Variants in DOCK10 observed in about 807,000 individuals in gnomAD.
DOCK10 encodes dedicator of cytokinesis 10.
Under a neutral mutation model 280.1 loss-of-function variants are expected in DOCK10, and 145 were observed. That is an observed-to-expected ratio of 0.52 (90% confidence interval 0.45 to 0.59). The LOEUF (loss-of-function observed/expected upper bound fraction) is 0.59, where lower values mean the gene tolerates loss of function less well. Ranked by LOEUF, DOCK10 falls within the 20% of genes least tolerant of loss-of-function variation. The probability of loss-of-function intolerance (pLI) is 0.00; values close to 1 mark genes in which losing one functional copy is unlikely to be tolerated. For missense variants in DOCK10, 2,368 were observed against 2,651.7 expected (o/e 0.89, Z 2.35); for synonymous variants, 915 against 942.2 (o/e 0.97, Z 0.53).
At chr2:224,914,954 T>A (rs1701229770) in intron 3 of DOCK10, among the ~76,000 whole-genome samples, 1 of 152,134 alleles carries the variant, frequency 6.6e-6, no homozygotes. Context: ...TAATTAACAG[T>A]AAGAATTAAT....
Position 224,802,013 on chromosome 2 carries a change from G to A in DOCK10, c.4296C>T (p.Gly1432=). The A allele has an allele frequency of 6.2e-7, 1 of 1,612,886 alleles. No homozygotes were observed. The highest frequency in any genetic ancestry group is 8.5e-7 in the Non-Finnish European group (1 of 1,179,262). The change falls in exon 40 of 56, where the codon GGC becomes GGT. Residue 1432 remains glycine (G), a synonymous_variant. Transcript: ENST00000258390. The part of the protein sequence containing the change: ...QWMHSTSSHE[G]HKQHRSQTLP... ...AAGTTTGTGATCTGTGCTGCTTATG[G>A]CCTTCATGACTGGAAGTGGAGTGCA...
At chr2:224,831,589 C>T (rs921514307) in intron 26 of DOCK10, among the ~76,000 whole-genome samples, 1 of 152,222 alleles carries the variant, frequency 6.6e-6, no homozygotes, top group East Asian at 1.9e-4. Context: ...ATTATCTGCT[C>T]ATGCCAGATT....
chr2:224,823,186 C>T (rs924647362), intron 28 of DOCK10, among the ~76,000 whole-genome samples: 1 of 151,944 alleles, frequency 6.6e-6, no homozygotes, highest in Non-Finnish European at 1.5e-5. Context: ...CGGGGTTTCA[C>T]CATGTTGGCC....
chr2:224,912,444 T>G (rs1030457469), intron 3 of DOCK10, among the ~76,000 whole-genome samples: 48 of 152,206 alleles, frequency 3.2e-4, no homozygotes, highest in African/African-American at 1.2e-3. Flanking sequence ...TGCCCCCATC[T>G]CTACTAAAAA....
intron 1 of DOCK10, among the ~76,000 whole-genome samples, chr2:225,032,921 TA>T (rs1444742953): frequency 6.6e-6 from 1 of 152,240 alleles, no homozygotes; most frequent in Non-Finnish European, 1.5e-5. Context: ...ATTAGTCATT[TA>T]AATTGGTAAT....
chr2:224,775,519 A>AG (rs1690786477), intron 51 of DOCK10, among the ~76,000 whole-genome samples: 2 of 152,100 alleles, frequency 1.3e-5, no homozygotes, highest in South Asian at 4.1e-4. Context: ...TCTGTCTCCT[A>AG]GGCTGGAGTG....
chr2:224,929,220 T>C (rs924023381), intron 2 of DOCK10, among the ~76,000 whole-genome samples: 3 of 152,246 alleles, frequency 2.0e-5, no homozygotes, highest in Admixed American at 2.0e-4. Flanking sequence ...TACCTTTTTG[T>C]TTGGAATAAG....
chr2:224,854,159 T>TA (rs1696947217), intron 16 of DOCK10, among the ~76,000 whole-genome samples: 1 of 151,936 alleles, frequency 6.6e-6, no homozygotes, highest in Non-Finnish European at 1.5e-5. Flanking sequence ...GCAGTGGCAA[T>TA]CCAAATATCC....
At chr2:225,014,076 A>AATATATATATATAT (rs770548693) in intron 1 of DOCK10, among the ~76,000 whole-genome samples, 22 of 87,820 alleles carry the variant, frequency 2.5e-4, no homozygotes, top group African/African-American at 6.6e-4. Flanking sequence ...CAGAAGTCTG[A>AATATATATATATAT]ATATATTGTT....
chr2:224,876,149 T>C lies in DOCK10; in HGVS notation c.820A>G (p.Thr274Ala). The change falls in exon 8 of 56, where the codon ACA becomes GCA. Residue 274 changes from threonine to alanine, a missense_variant. By Grantham distance (58) the Thr-to-Ala change is moderately conservative. Transcript: ENST00000258390. The part of the protein sequence containing the change: ...DLTYFVLAAE[T>A]ESDMDEWIHT... ...ATCCATTCATCCATATCTGACTCTGTTTCAGCTGCCAGCACAAAATAGGTC... is the reference window on the plus strand; with the variant it reads ...ATCCATTCATCCATATCTGACTCTGCTTCAGCTGCCAGCACAAAATAGGTC... The C allele has an allele frequency of 6.2e-7, 1 of 1,613,892 alleles. No homozygotes were observed. The highest frequency in any genetic ancestry group is 8.5e-7 in the Non-Finnish European group (1 of 1,179,850).
chr2:224,958,340 G>A (rs1381060301), intron 1 of DOCK10, among the ~76,000 whole-genome samples: 4 of 152,194 alleles, frequency 2.6e-5, no homozygotes, highest in South Asian at 4.2e-4. Context: ...GGCACAAAAA[G>A]GGCACCAGCT....
At chr2:224,974,818 TAA>T (rs1491335109) in intron 1 of DOCK10, among the ~76,000 whole-genome samples, 3 of 129,182 alleles carry the variant, frequency 2.3e-5, no homozygotes, top group African/African-American at 7.8e-5. Flanking sequence ...ATTATATATA[TAA>T]TATATATATA....
intron 1 of DOCK10, among the ~76,000 whole-genome samples, chr2:225,015,390 C>T (rs757826908): frequency 1.5e-4 from 23 of 152,224 alleles, no homozygotes; most frequent in Admixed American, 3.3e-4. Context: ...TTCCAGATTG[C>T]TTTATTATTT....
intron 20 of DOCK10, 53 bp downstream of exon 20, chr2:224,845,465 AC>A: frequency 6.3e-7 from 1 of 1,584,724 alleles, no homozygotes. Context: ...CACTCTCCAA[AC>A]CAATTCAAAC....
At chr2:224,984,314 C>T (rs1705899898) in intron 1 of DOCK10, among the ~76,000 whole-genome samples, 1 of 152,244 alleles carries the variant, frequency 6.6e-6, no homozygotes, top group Admixed American at 6.5e-5. Flanking sequence ...ACATCCTAAA[C>T]TCCTCTCTAA....
intron 11 of DOCK10, 58 bp downstream of exon 11, chr2:224,873,938 G>A: frequency 6.5e-7 from 1 of 1,537,534 alleles, no homozygotes; most frequent in East Asian, 2.3e-5. Flanking sequence ...AAAGATTTTT[G>A]ACTAGGGTGG....
chr2:224,798,993 G>GT (rs1429473621), intron 41 of DOCK10, among the ~76,000 whole-genome samples: 1 of 152,072 alleles, frequency 6.6e-6, no homozygotes, highest in Non-Finnish European at 1.5e-5. Flanking sequence ...AGCTGCAAAT[G>GT]TTTTTAATAG....
intron 1 of DOCK10, among the ~76,000 whole-genome samples, chr2:224,987,148 A>C (rs1483530610): frequency 6.6e-6 from 1 of 152,244 alleles, no homozygotes; most frequent in East Asian, 1.9e-4. Flanking sequence ...TGAAATGACA[A>C]CAAAGCAGTA....
intron 1 of DOCK10, among the ~76,000 whole-genome samples, chr2:224,963,900 T>A (rs982771461): frequency 1.3e-5 from 2 of 152,186 alleles, no homozygotes; most frequent in African/African-American, 4.8e-5. Flanking sequence ...CATGACTTCT[T>A]CTTGCAAAGG....
Sources: gnomAD v4.1 joint callset for allele counts (sites outside exome capture counted in the v4.1 genomes callset) on GRCh38, gnomAD v4.1.1 for gene constraint, MANE v1.5 for transcripts, NCBI Gene and HGNC (gene_info 2026-07-23, HGNC 2026-07-21) for gene names.